Variants in DCC observed in about 807,000 individuals in gnomAD.
DCC encodes netrin receptor DCC.
In DCC, 58 loss-of-function variants were observed where a neutral mutation model predicts 172.5. The ratio of observed to expected loss-of-function variants is 0.34; its 90% CI spans 0.27 to 0.42. DCC has a LOEUF of 0.42. Among genes scored for constraint, DCC ranks in the 10% least tolerant of loss-of-function variants. DCC has a pLI of 1.00. For synonymous variants in DCC, 709 were observed against 644.5 expected (o/e 1.10, Z -1.52); for missense variants, 1,740 against 1,791.0 (o/e 0.97, Z 0.51).
At chr18:52,561,199 C>T (rs2033029190) in intron 1 of DCC, among the ~76,000 whole-genome samples, 1 of 151,378 alleles carries the variant, frequency 6.6e-6, no homozygotes, top group Admixed American at 6.6e-5. Context: ...GGTGTGAATG[C>T]CTAAATATGA....
At chr18:52,743,747 A>T (rs1256125390) in intron 1 of DCC, among the ~76,000 whole-genome samples, 1 of 152,234 alleles carries the variant, frequency 6.6e-6, no homozygotes, top group African/African-American at 2.4e-5. Flanking sequence ...GTGTGGGCTC[A>T]CTAAGAGATT....
intron 14 of DCC, among the ~76,000 whole-genome samples, chr18:53,329,747 G>T (rs1599030361): frequency 2.0e-5 from 3 of 151,982 alleles, no homozygotes. Context: ...GGTGGAAAAA[G>T]AAATTTATAT....
At chr18:52,373,244 C>T (rs1444867848) in intron 1 of DCC, among the ~76,000 whole-genome samples, 1 of 152,094 alleles carries the variant, frequency 6.6e-6, no homozygotes, top group Non-Finnish European at 1.5e-5. Flanking sequence ...TTTCCCCCTA[C>T]CCTCAAATGT....
intron 1 of DCC, among the ~76,000 whole-genome samples, chr18:52,657,531 A>G (rs1475260168): frequency 1.3e-5 from 2 of 152,170 alleles, no homozygotes; most frequent in Admixed American, 1.3e-4. Flanking sequence ...GATCCCTGCA[A>G]TGTGGTTGAA....
At chr18:52,785,054 G>GGGAAGGGCTC (rs1163533444) in intron 2 of DCC, among the ~76,000 whole-genome samples, 2 of 152,004 alleles carry the variant, frequency 1.3e-5, no homozygotes, top group African/African-American at 4.8e-5. Context: ...AGGGCTCACA[G>GGGAAGGGCTC]ATTGGTTGAT....
intron 1 of DCC, among the ~76,000 whole-genome samples, chr18:52,455,326 A>T (rs1373477637): frequency 6.6e-6 from 1 of 152,104 alleles, no homozygotes; most frequent in East Asian, 1.9e-4. Flanking sequence ...TATTTACATC[A>T]TCCATTTTTC....
At chr18:52,494,557 C>T (rs1409026322) in intron 1 of DCC, among the ~76,000 whole-genome samples, 2 of 151,616 alleles carry the variant, frequency 1.3e-5, no homozygotes, top group Non-Finnish European at 2.9e-5. Context: ...TTATTGACTT[C>T]CTTCATTTTA....
intron 1 of DCC, among the ~76,000 whole-genome samples, chr18:52,649,012 A>G (rs909352419): frequency 6.6e-6 from 1 of 152,206 alleles, no homozygotes; most frequent in Non-Finnish European, 1.5e-5. Context: ...CTATTTCTAC[A>G]ACAAATATCC....
At chr18:52,645,061 A>C (rs2034993374) in intron 1 of DCC, among the ~76,000 whole-genome samples, 1 of 152,128 alleles carries the variant, frequency 6.6e-6, no homozygotes, top group Non-Finnish European at 1.5e-5. Flanking sequence ...TTTTTGTAAG[A>C]AGCGGATTTC....
chr18:52,440,179 C>T (rs1987931370), intron 1 of DCC, among the ~76,000 whole-genome samples: 1 of 152,164 alleles, frequency 6.6e-6, no homozygotes, highest in Admixed American at 6.5e-5. Flanking sequence ...ATACCCCTTC[C>T]ATCGCAGTGC....
At chr18:52,588,817 C>G (rs1220633473) in intron 1 of DCC, among the ~76,000 whole-genome samples, 1 of 151,532 alleles carries the variant, frequency 6.6e-6, no homozygotes, top group Non-Finnish European at 1.5e-5. Context: ...ATCTTAAAAG[C>G]AGTGAGAAGC....
intron 7 of DCC, among the ~76,000 whole-genome samples, chr18:53,098,550 T>C (rs1397038132): frequency 6.6e-6 from 1 of 152,190 alleles, no homozygotes; most frequent in Non-Finnish European, 1.5e-5. Context: ...AAGTTATGCA[T>C]TTTGAGTTGG....
intron 2 of DCC, among the ~76,000 whole-genome samples, chr18:52,890,723 C>T (rs958977718): frequency 2.6e-5 from 4 of 152,128 alleles, no homozygotes; most frequent in South Asian, 4.1e-4. Flanking sequence ...AATAAAATAT[C>T]GATATGTGTC....
intron 1 of DCC, among the ~76,000 whole-genome samples, chr18:52,566,354 G>A (rs887922373): frequency 1.6e-4 from 25 of 152,094 alleles, no homozygotes; most frequent in African/African-American, 5.8e-4. Flanking sequence ...ATCATCACAC[G>A]CCGGGGCCTA....
At chr18:52,403,096 G>A (rs1412374572) in intron 1 of DCC, among the ~76,000 whole-genome samples, 2 of 151,872 alleles carry the variant, frequency 1.3e-5, no homozygotes, top group Admixed American at 6.6e-5. Context: ...TTTTGATGGT[G>A]GACAAAAAGC....
chr18:52,808,656 C>T (rs2038134680), intron 2 of DCC, among the ~76,000 whole-genome samples: 1 of 152,144 alleles, frequency 6.6e-6, no homozygotes, highest in African/African-American at 2.4e-5. Context: ...GGGAGTGTCT[C>T]CTGCCACCTG....
At chr18:53,076,005 A>G (rs771271383) in intron 7 of DCC, among the ~76,000 whole-genome samples, 2 of 152,138 alleles carry the variant, frequency 1.3e-5, no homozygotes, top group Non-Finnish European at 2.9e-5. Flanking sequence ...TAGCCAATAC[A>G]TGATCAAAAT....
At chr18:52,776,194 T>C (rs1297434389) in intron 2 of DCC, among the ~76,000 whole-genome samples, 1 of 152,044 alleles carries the variant, frequency 6.6e-6, no homozygotes, top group Non-Finnish European at 1.5e-5. Flanking sequence ...CCCAAGATAA[T>C]TGAAGGAAAC....
chr18:52,468,787 A>G (rs964019837), intron 1 of DCC, among the ~76,000 whole-genome samples: 2 of 152,196 alleles, frequency 1.3e-5, no homozygotes, highest in African/African-American at 4.8e-5. Context: ...TTCAAAACTC[A>G]TAAGAGATGT....
Sources: gnomAD v4.1 joint callset for allele counts (sites outside exome capture counted in the v4.1 genomes callset) on GRCh38, gnomAD v4.1.1 for gene constraint, MANE v1.5 for transcripts, NCBI Gene and HGNC (gene_info 2026-07-23, HGNC 2026-07-21) for gene names.